VAPB: variants seen among roughly 807,000 people sequenced by gnomAD.
VAPB encodes the protein VAMP associated protein B and C.
VAPB carries 7 observed loss-of-function variants against 25.6 expected under a neutral mutation model. The observed-to-expected ratio is 0.27, with a 90% CI of 0.16 to 0.51. The LOEUF is 0.51. Ranked by LOEUF, VAPB falls within the 20% of genes least tolerant of loss-of-function variation. The pLI is 0.97. For missense variants in VAPB, 266 were observed against 301.3 expected, an observed-to-expected ratio of 0.88 and a Z score of 0.87; for synonymous variants, 112 against 109.2, an observed-to-expected ratio of 1.03 and a Z score of -0.16.
At chr20:58,428,506 G>C (rs548313898) in intron 2 of VAPB, among the ~76,000 whole-genome samples, 1 of 152,102 alleles carries the variant, frequency 6.6e-6, no homozygotes, top group Non-Finnish European at 1.5e-5. Context: ...TGAAGATGCA[G>C]CTGGGCACAG....
chr20:58,402,236 G>A (rs1988112895), intron 1 of VAPB, among the ~76,000 whole-genome samples: 2 of 152,168 alleles, frequency 1.3e-5, no homozygotes, highest in Non-Finnish European at 2.9e-5. Flanking sequence ...CCTCATGCTT[G>A]TGTTTCAGCC....
intron 1 of VAPB, among the ~76,000 whole-genome samples, chr20:58,408,579 G>A (rs1422007788): frequency 6.6e-6 from 1 of 151,846 alleles, no homozygotes; most frequent in Middle Eastern, 3.2e-3. Context: ...CACTCTCTTC[G>A]AATATCTGTT....
intron 1 of VAPB, among the ~76,000 whole-genome samples, chr20:58,414,935 A>G (rs947418975): frequency 3.3e-5 from 5 of 152,258 alleles, no homozygotes; most frequent in African/African-American, 4.8e-5. Context: ...CCTGGGCACC[A>G]CCGAGCACTG....
intron 1 of VAPB, among the ~76,000 whole-genome samples, chr20:58,410,827 G>C (rs1249871157): frequency 6.6e-6 from 1 of 152,178 alleles, no homozygotes; most frequent in Admixed American, 6.5e-5. Context: ...CTTTCACTCA[G>C]GAATATGCAT....
intron 1 of VAPB, among the ~76,000 whole-genome samples, chr20:58,417,329 T>A (rs1988565029): frequency 6.6e-6 from 1 of 152,246 alleles, no homozygotes; most frequent in South Asian, 2.1e-4. Context: ...GTATGTATTG[T>A]TTGTGTAAAC....
Position 58,450,481 on chromosome 20 carries a change from G to T in VAPB, c.*6246G>T, listed in dbSNP as rs777569143. The T allele has an allele frequency of 4.9e-5, 22 of 453,346 alleles. No individual in the cohort carries two copies. Among genetic ancestry groups the T allele is most frequent in the South Asian group, 3.3e-4 (21 of 64,438 alleles). 28.1% of individuals were successfully genotyped at this position (453,346 alleles called of 1,614,324 possible). ...GAGAGAAAAATGCAAAATATATTTGGTTCTCATTTCTGTTGCTGTCGTTTC... is the reference window on the plus strand; with the variant it reads ...GAGAGAAAAATGCAAAATATATTTGTTTCTCATTTCTGTTGCTGTCGTTTC... On this transcript the variant is annotated 3_prime_UTR_variant, in exon 6 of 6. Transcript: ENST00000475243.
At chr20:58,414,958 T>G (rs1988501537) in intron 1 of VAPB, among the ~76,000 whole-genome samples, 1 of 152,200 alleles carries the variant, frequency 6.6e-6, no homozygotes, top group Non-Finnish European at 1.5e-5. Context: ...TGAACGAGAC[T>G]CCGCCTGCAA....
chr20:58,444,835 G>C lies in VAPB; in HGVS notation c.*600G>C. ...AGGCGTGTGTTGACTGATTGACCCA[G>C]CGCTTTGGAAATAAATGGCAGTGCT... On this transcript the variant is annotated 3_prime_UTR_variant, in exon 6 of 6. Transcript: ENST00000475243. 1 of 454,562 alleles carries C rather than the reference G, an allele frequency of 2.2e-6. No individual in the cohort carries two copies. The highest frequency in any genetic ancestry group is 4.4e-6 in the Non-Finnish European group (1 of 226,792). The allele number at this position is 454,562 out of a possible 1,614,324, so 28.2% of individuals were successfully genotyped here. A position where few individuals can be genotyped will look rare whatever the true frequency, so the allele number is the denominator to read the frequency against.
At chr20:58,441,613 G>C (rs903983387) in intron 5 of VAPB, among the ~76,000 whole-genome samples, 2 of 152,248 alleles carry the variant, frequency 1.3e-5, no homozygotes, top group African/African-American at 2.4e-5. Context: ...CTGCCCTCCA[G>C]CCTGGGTGAC....
chr20:58,406,735 T>C (rs376385604), intron 1 of VAPB, among the ~76,000 whole-genome samples: 5 of 152,332 alleles, frequency 3.3e-5, no homozygotes, highest in African/African-American at 1.2e-4. Flanking sequence ...ACTTGAACTG[T>C]TAAAACAACT....
chr20:58,412,646 G>T (rs1019981938), intron 1 of VAPB, among the ~76,000 whole-genome samples: 5 of 151,576 alleles, frequency 3.3e-5, no homozygotes, highest in Non-Finnish European at 5.9e-5. Context: ...TAGTAGATAG[G>T]ATGTTATGCT....
At position 58,449,178 on chromosome 20, in the gene VAPB, T is replaced by C. The variant is rs1273515972; in HGVS notation, c.*4943T>C. 2 of 454,022 alleles carry C rather than the reference T, an allele frequency of 4.4e-6. No homozygotes were observed. Among genetic ancestry groups the C allele is most frequent in the Non-Finnish European group, 8.8e-6 (2 of 226,812 alleles). 28.1% of individuals were successfully genotyped at this position (454,022 alleles called of 1,614,324 possible). A position where few individuals can be genotyped will look rare whatever the true frequency, so the allele number is the denominator to read the frequency against. ...GCTTCACAGACCTCTTCCTCCAGCC[T>C]CTGAATCCCATTAGCCACAGCCTAG... is the stretch of plus-strand genomic sequence containing the variant. On this transcript the variant is annotated 3_prime_UTR_variant, in exon 6 of 6. Coordinates refer to ENST00000475243, the MANE Select transcript of VAPB (RefSeq NM_004738.5).
chr20:58,389,253 C>G lies in VAPB; in HGVS notation c.-207C>G, dbSNP rs772806929. 9.0e-6 allele frequency: 6 copies of G among 667,318 alleles called. No homozygotes were observed. The highest frequency in any genetic ancestry group is 3.9e-4 in the Middle Eastern group (1 of 2,596). 41.3% of individuals were successfully genotyped at this position (667,318 alleles called of 1,614,324 possible). ...TGCGTGCCGTCAGCTCGCCGGGCACCGCGGCCTCGCCCTCGCCCTCCGCCC... is the reference window on the plus strand; with the variant it reads ...TGCGTGCCGTCAGCTCGCCGGGCACGGCGGCCTCGCCCTCGCCCTCCGCCC... On this transcript the variant is annotated 5_prime_UTR_variant, in exon 1 of 6. Transcript: ENST00000475243.
At chr20:58,405,987 T>G (rs1360983155) in intron 1 of VAPB, among the ~76,000 whole-genome samples, 1 of 151,940 alleles carries the variant, frequency 6.6e-6, no homozygotes, top group East Asian at 1.9e-4. Flanking sequence ...GAATGTAGAT[T>G]AAATGTAGAG....
At chr20:58,437,453 G>C (rs1042275142) in intron 3 of VAPB, among the ~76,000 whole-genome samples, 1 of 152,174 alleles carries the variant, frequency 6.6e-6, no homozygotes, top group African/African-American at 2.4e-5. Flanking sequence ...TTGATCACTT[G>C]GTTAAGATGG....
In VAPB at chr20:58,449,035, T is replaced by G. The variant is rs1036579626; in HGVS notation, c.*4800T>G. ...GCTGCTGATGTCTCAGGCCTTTCCC[T>G]GAATTAGCACTGCGGTTCTCCAGGA... On this transcript the variant is annotated 3_prime_UTR_variant, in exon 6 of 6. Transcript: ENST00000475243. The G allele has an allele frequency of 4.4e-6, 2 of 454,014 alleles. No homozygotes were observed. The highest frequency in any genetic ancestry group is 8.8e-6 in the Non-Finnish European group (2 of 226,800). The allele number at this position is 454,014 out of a possible 1,614,324, so 28.1% of individuals were successfully genotyped here. A position where few individuals can be genotyped will look rare whatever the true frequency, so the allele number is the denominator to read the frequency against.
intron 1 of VAPB, among the ~76,000 whole-genome samples, chr20:58,411,786 C>A (rs1451582722): frequency 6.6e-6 from 1 of 152,216 alleles, no homozygotes; most frequent in Non-Finnish European, 1.5e-5. Context: ...TCAGGCCATT[C>A]CCCTGCCTCA....
intron 1 of VAPB, among the ~76,000 whole-genome samples, chr20:58,415,143 T>A (rs1988509076): frequency 6.6e-6 from 1 of 152,268 alleles, no homozygotes; most frequent in Non-Finnish European, 1.5e-5. Flanking sequence ...TTCTAGCCCC[T>A]CTTACTGTCT....
At chr20:58,435,548 G>A (rs777874851) in intron 3 of VAPB, among the ~76,000 whole-genome samples, 2 of 152,170 alleles carry the variant, frequency 1.3e-5, no homozygotes, top group East Asian at 1.9e-4. Context: ...ACCTGAGTCC[G>A]CTGTTCATCA....
Sources: allele counts gnomAD v4.1 joint callset (sites outside exome capture counted in the v4.1 genomes callset), GRCh38; gene constraint gnomAD v4.1.1; transcripts MANE v1.5; gene names NCBI Gene and HGNC (gene_info 2026-07-23, HGNC 2026-07-21).